LRMDA: variants seen among roughly 807,000 people sequenced by gnomAD.
LRMDA encodes leucine rich melanocyte differentiation associated, also known as leucine-rich melanocyte differentiation-associated protein.
In LRMDA, 18 loss-of-function variants were observed where a neutral mutation model predicts 29.8. That is an observed-to-expected ratio of 0.60 (90% confidence interval 0.42 to 0.90). The LOEUF is 0.90. Among genes scored for constraint, LRMDA ranks in the 40% least tolerant of loss-of-function variants. The probability of loss-of-function intolerance (pLI) is 0.00; values close to 1 mark genes in which losing one functional copy is unlikely to be tolerated. For missense variants in LRMDA, 273 were observed against 273.9 expected (o/e 1.00, Z 0.02); for synonymous variants, 125 against 109.4 (o/e 1.14, Z -0.89).
intron 2 of LRMDA, among the ~76,000 whole-genome samples, chr10:75,555,417 G>T (rs1347607598): frequency 1.3e-5 from 2 of 152,134 alleles, no homozygotes. Flanking sequence ...AAGGAGTGGG[G>T]TCTCTGAAAG....
intron 2 of LRMDA, among the ~76,000 whole-genome samples, chr10:75,927,572 G>A (rs1396330016): frequency 6.6e-6 from 1 of 152,200 alleles, no homozygotes; most frequent in Non-Finnish European, 1.5e-5. Flanking sequence ...CCTGAGTCCA[G>A]AATTTAGGTG....
rs1564690844 is a variant in LRMDA, at chr10:76,221,964, ACG to A, written c.517-102436_517-102435del. 2.9e-3 allele frequency among the ~76,000 whole-genome samples: 442 copies of A among 150,880 alleles called. 4 individuals carry two copies. Among genetic ancestry groups the A allele is most frequent in the African/African-American group, 0.01 (421 of 41,022 alleles). On this transcript the variant is annotated intron_variant, in intron 5 of 6. Transcript: ENST00000611255. ...GAACAGAGCCCTCAGAAATAACGCCACGTATCTACAACTATCTGATCTTTGAC... is the reference window on the plus strand; with the variant it reads ...GAACAGAGCCCTCAGAAATAACGCCATATCTACAACTATCTGATCTTTGAC...
intron 6 of LRMDA, among the ~76,000 whole-genome samples, chr10:76,478,150 C>T (rs1244471190): frequency 6.6e-6 from 1 of 152,118 alleles, no homozygotes; most frequent in Non-Finnish European, 1.5e-5. Context: ...GCAATCTACT[C>T]ATCTGACAAA....
chr10:75,670,935 C>T (rs1010959623), intron 2 of LRMDA, among the ~76,000 whole-genome samples: 6 of 152,048 alleles, frequency 3.9e-5, no homozygotes, highest in African/African-American at 7.2e-5. Context: ...CCAGTCTGCA[C>T]GATCTCTCTT....
intron 6 of LRMDA, among the ~76,000 whole-genome samples, chr10:76,475,384 C>T (rs983649659): frequency 4.6e-5 from 7 of 151,846 alleles, no homozygotes; most frequent in Non-Finnish European, 7.4e-5. Context: ...TACAGGAGCA[C>T]CCAGATTTAT....
intron 2 of LRMDA, among the ~76,000 whole-genome samples, chr10:75,668,818 G>T (rs888569536): frequency 6.6e-6 from 1 of 152,180 alleles, no homozygotes; most frequent in African/African-American, 2.4e-5. Flanking sequence ...GGGGACTCCA[G>T]AGAATAAATT....
chr10:76,487,775 G>T (rs375702162), intron 6 of LRMDA, among the ~76,000 whole-genome samples: 2 of 151,786 alleles, frequency 1.3e-5, no homozygotes, highest in African/African-American at 4.8e-5. Context: ...GATAGGTTAC[G>T]CAACTTGCCC....
intron 5 of LRMDA, among the ~76,000 whole-genome samples, chr10:76,180,830 G>T (rs1188679747): frequency 1.3e-5 from 2 of 152,140 alleles, no homozygotes; most frequent in Non-Finnish European, 2.9e-5. Flanking sequence ...TCTAATGCTT[G>T]AATCTACTGC....
intron 6 of LRMDA, among the ~76,000 whole-genome samples, chr10:76,325,644 A>G (rs1840824944): frequency 6.6e-6 from 1 of 152,064 alleles, no homozygotes; most frequent in South Asian, 2.1e-4. Context: ...TCATATCCTC[A>G]TGTGTTTATT....
intron 2 of LRMDA, among the ~76,000 whole-genome samples, chr10:75,896,623 G>A (rs1484653837): frequency 6.6e-6 from 1 of 152,162 alleles, no homozygotes; most frequent in East Asian, 1.9e-4. Flanking sequence ...TGAGCAAAGT[G>A]ACTATGAAGA....
intron 6 of LRMDA, among the ~76,000 whole-genome samples, chr10:76,329,329 A>T (rs1440935908): frequency 1.3e-5 from 2 of 152,212 alleles, no homozygotes; most frequent in Non-Finnish European, 2.9e-5. Context: ...TATCATGTGG[A>T]GGATCTCATT....
intron 2 of LRMDA, among the ~76,000 whole-genome samples, chr10:75,521,494 T>A (rs1034128525): frequency 6.6e-6 from 1 of 152,164 alleles, no homozygotes. Flanking sequence ...CAAGGCTCCG[T>A]GGGCGTGGGG....
chr10:76,348,581 T>G (rs1221581328), intron 6 of LRMDA, among the ~76,000 whole-genome samples: 2 of 152,212 alleles, frequency 1.3e-5, no homozygotes, highest in Non-Finnish European at 2.9e-5. Flanking sequence ...CCCCTAGTCC[T>G]TTCCACCATG....
rs186652340 is a variant in LRMDA, at chr10:76,453,608, A to C, written c.602-103601A>C. ...TGAATAAATCATGCAGGATGGATAAACCGGTAACCACAACAGCATGTTTCA... is the reference window on the plus strand; with the variant it reads ...TGAATAAATCATGCAGGATGGATAACCCGGTAACCACAACAGCATGTTTCA... On this transcript the variant is annotated intron_variant, in intron 6 of 6. Transcript: ENST00000611255. Among the ~76,000 whole-genome samples the C allele has an allele frequency of 4.6e-5, 7 of 152,318 alleles. No individual in the cohort carries two copies. The East Asian group carries it at 1.4e-3, about 29-fold the overall frequency.
chr10:76,228,936 A>C (rs532437048), intron 5 of LRMDA, among the ~76,000 whole-genome samples: 23 of 152,336 alleles, frequency 1.5e-4, no homozygotes, highest in Middle Eastern at 3.4e-3. Context: ...TGGCCTAATA[A>C]CTCAGGAATA....
Position 76,277,077 on chromosome 10 carries a change from T to C in LRMDA, c.517-47324T>C, listed in dbSNP as rs568233149. Among the ~76,000 whole-genome samples, 8 of 152,280 alleles carry C rather than the reference T, an allele frequency of 5.3e-5. 1 individual carries two copies. The East Asian group carries it at 1.5e-3, about 29-fold the overall frequency. The stretch of plus-strand genomic sequence containing the variant: ...TATACAGAATTAGAGTATCCCCTTC[T>C]CCAGCTCTCTCACTCTGGGATTCCC... On this transcript the variant is annotated intron_variant, in intron 5 of 6. Transcript: ENST00000611255.
At chr10:75,589,113 A>G (rs1242781723) in intron 2 of LRMDA, among the ~76,000 whole-genome samples, 1 of 152,208 alleles carries the variant, frequency 6.6e-6, no homozygotes, top group Non-Finnish European at 1.5e-5. Flanking sequence ...TGTAGGATAA[A>G]TTCCCAGAAA....
intron 2 of LRMDA, among the ~76,000 whole-genome samples, chr10:75,546,465 AAGAAG>A (rs1258136092): frequency 1.3e-5 from 2 of 152,222 alleles, no homozygotes; most frequent in African/African-American, 2.4e-5. Context: ...CATAGAAAAA[AAGAAG>A]AGAAGACTAT....
intron 5 of LRMDA, among the ~76,000 whole-genome samples, chr10:76,096,723 T>C (rs554636785): frequency 2.0e-5 from 3 of 152,284 alleles, no homozygotes; most frequent in Admixed American, 6.5e-5. Context: ...CAATATTGAG[T>C]CTGTGAAGAT....
Sources: allele counts gnomAD v4.1 joint callset (sites outside exome capture counted in the v4.1 genomes callset), GRCh38; gene constraint gnomAD v4.1.1; transcripts MANE v1.5; gene names NCBI Gene and HGNC (gene_info 2026-07-23, HGNC 2026-07-21).